Variants in SNX7 observed in about 807,000 individuals in gnomAD.
SNX7 encodes sorting nexin 7, also known as sorting nexin-7.
Under a neutral mutation model 48.4 loss-of-function variants are expected in SNX7, and 35 were observed. The observed-to-expected ratio is 0.72, with a 90% CI of 0.55 to 0.96. The LOEUF (loss-of-function observed/expected upper bound fraction) is 0.96, where lower values mean the gene tolerates loss of function less well. Ranked by LOEUF, SNX7 falls within the 40% of genes least tolerant of loss-of-function variation. The probability of loss-of-function intolerance (pLI) is 0.00; values close to 1 mark genes in which losing one functional copy is unlikely to be tolerated. For missense variants in SNX7, 553 were observed against 548.9 expected (o/e 1.01, Z -0.07); for synonymous variants, 190 against 190.2 (o/e 1.00, Z 0.01).
At chr1:98,728,261 C>A (rs1466669473) in intron 7 of SNX7, among the ~76,000 whole-genome samples, 1 of 152,122 alleles carries the variant, frequency 6.6e-6, no homozygotes, top group East Asian at 1.9e-4. Context: ...AATTTCCAAC[C>A]CAGAATCTCA....
intron 5 of SNX7, among the ~76,000 whole-genome samples, chr1:98,696,730 C>CTT (rs201365874): frequency 6.8e-6 from 1 of 147,336 alleles, no homozygotes; most frequent in Admixed American, 6.8e-5. Context: ...TATTATTTGT[C>CTT]TTTTTTTTTT....
At chr1:98,755,634 T>C (rs1236879649) in intron 8 of SNX7, among the ~76,000 whole-genome samples, 1 of 151,954 alleles carries the variant, frequency 6.6e-6, no homozygotes, top group Non-Finnish European at 1.5e-5. Flanking sequence ...TATGTATTTT[T>C]AATTAAAAAA....
rs536681603 is a variant in SNX7, at chr1:98,689,124, C to T, written c.364-1951C>T. On this transcript the variant is annotated intron_variant, in intron 2 of 8. Coordinates refer to ENST00000306121, the MANE Select transcript of SNX7 (RefSeq NM_015976.5). Reference sequence around the variant, plus strand: ...TTCACCATGTTGGTCAGGCTTGTCTCGAACTCCTGACCTCGTGATCTGCCT... The same window carrying T: ...TTCACCATGTTGGTCAGGCTTGTCTTGAACTCCTGACCTCGTGATCTGCCT... Among the ~76,000 whole-genome samples the T allele has an allele frequency of 7.9e-5, 12 of 152,200 alleles. No individual in the cohort carries two copies. In the South Asian group the frequency reaches 1.9e-3, roughly 24 times the overall value.
intron 1 of SNX7, among the ~76,000 whole-genome samples, chr1:98,664,720 G>A (rs1649445606): frequency 6.6e-6 from 1 of 152,098 alleles, no homozygotes; most frequent in African/African-American, 2.4e-5. Flanking sequence ...CAAGAGGGAT[G>A]GAAAGTAAAA....
chr1:98,759,076 A>C (rs371614247), intron 8 of SNX7, among the ~76,000 whole-genome samples: 4 of 152,154 alleles, frequency 2.6e-5, no homozygotes, highest in African/African-American at 7.2e-5. Context: ...TCCGATATAG[A>C]CACTTTAAAG....
chr1:98,747,814 G>T (rs1165150576), intron 8 of SNX7, among the ~76,000 whole-genome samples: 1 of 151,972 alleles, frequency 6.6e-6, no homozygotes, highest in Non-Finnish European at 1.5e-5. Context: ...GTCATTTTTA[G>T]AATTCTTAAG....
chr1:98,661,399 A>C (rs1479265031), upstream of SNX7, among the ~76,000 whole-genome samples: 1 of 152,028 alleles, frequency 6.6e-6, no homozygotes, highest in Non-Finnish European at 1.5e-5. Flanking sequence ...CCACTGCGGA[A>C]ACCGTCACTC....
At chr1:98,676,417 T>C (rs898248186) in intron 1 of SNX7, among the ~76,000 whole-genome samples, 2 of 152,216 alleles carry the variant, frequency 1.3e-5, no homozygotes, top group African/African-American at 4.8e-5. Flanking sequence ...TGTCTTCTAC[T>C]CCTTGTGTAA....
chr1:98,751,776 T>C lies in SNX7; in HGVS notation c.1279-8278T>C, dbSNP rs1033080788. ...CTATGAGAGTCAGTTTTCTTAACTGTAAAATGAAATTACCTGATTTCATCA... is the reference window on the plus strand; with the variant it reads ...CTATGAGAGTCAGTTTTCTTAACTGCAAAATGAAATTACCTGATTTCATCA... On this transcript the variant is annotated intron_variant, in intron 8 of 8. Coordinates refer to ENST00000306121, the MANE Select transcript of SNX7 (RefSeq NM_015976.5). 3.9e-5 allele frequency among the ~76,000 whole-genome samples: 6 copies of C among 152,242 alleles called. 1 individual carries two copies. In the South Asian group the frequency reaches 1.0e-3, roughly 26 times the overall value.
At chr1:98,700,003 T>A (rs1651669132) in intron 6 of SNX7, among the ~76,000 whole-genome samples, 1 of 152,204 alleles carries the variant, frequency 6.6e-6, no homozygotes, top group South Asian at 2.1e-4. Flanking sequence ...GTGTCAATCT[T>A]CAAGAAGATC....
chr1:98,716,501 T>C (rs1652598613), intron 7 of SNX7, among the ~76,000 whole-genome samples: 1 of 152,166 alleles, frequency 6.6e-6, no homozygotes. Context: ...TTATAGTTGC[T>C]CTCAAATGCT....
chr1:98,713,301 C>CT (rs1302146677), intron 7 of SNX7, among the ~76,000 whole-genome samples: 1 of 152,128 alleles, frequency 6.6e-6, no homozygotes, highest in Non-Finnish European at 1.5e-5. Context: ...CAAACATTTC[C>CT]TCTCCAGCTT....
chr1:98,723,819 T>A (rs998954961), intron 7 of SNX7, among the ~76,000 whole-genome samples: 2 of 151,870 alleles, frequency 1.3e-5, no homozygotes, highest in African/African-American at 4.8e-5. Context: ...TGAGATCGCA[T>A]GACTGCACTC....
chr1:98,702,717 T>G (rs1249529451), intron 7 of SNX7, among the ~76,000 whole-genome samples: 1 of 152,048 alleles, frequency 6.6e-6, no homozygotes, highest in East Asian at 1.9e-4. Flanking sequence ...GGTGATGACG[T>G]CTCTTGCCTG....
intron 1 of SNX7, chr1:98,662,591 G>A: frequency 9.8e-7 from 1 of 1,019,230 alleles, no homozygotes; most frequent in Non-Finnish European, 1.3e-6. Flanking sequence ...TTTTACTGTT[G>A]GAGGGAAATT....
rs114764996 is a variant in SNX7 at position 98,719,768 on chromosome 1, G to T, written c.1125+17865G>T. 2.7e-3 allele frequency among the ~76,000 whole-genome samples: 402 copies of T among 150,918 alleles called. 4 individuals are homozygous for T. Among genetic ancestry groups the T allele is most frequent in the African/African-American group, 9.6e-3 (396 of 41,336 alleles). On this transcript the variant is annotated intron_variant, in intron 7 of 8. Coordinates refer to ENST00000306121, the MANE Select transcript of SNX7 (RefSeq NM_015976.5). ...AGGTGACAGAAAAAAATGTCTCGTG[G>T]TTTCTTCCATTAATTTTTGAGTTTC...
intron 1 of SNX7, among the ~76,000 whole-genome samples, chr1:98,670,840 G>A (rs944879215): frequency 2.0e-5 from 3 of 151,228 alleles, no homozygotes; most frequent in African/African-American, 7.3e-5. Flanking sequence ...AGGAAAGAGA[G>A]CTACAGCTCT....
At chr1:98,694,830 G>A (rs1050038220) in intron 4 of SNX7, among the ~76,000 whole-genome samples, 9 of 151,516 alleles carry the variant, frequency 5.9e-5, no homozygotes, top group Admixed American at 4.6e-4. Flanking sequence ...GGGTAGTCTC[G>A]ATCTCCTGAC....
intron 8 of SNX7, among the ~76,000 whole-genome samples, chr1:98,757,699 A>G (rs897453498): frequency 2.0e-5 from 3 of 150,670 alleles, no homozygotes; most frequent in South Asian, 2.1e-4. Context: ...GGTGTTGAAA[A>G]CCATTGCTTT....
Sources: allele counts gnomAD v4.1 joint callset (sites outside exome capture counted in the v4.1 genomes callset), GRCh38; gene constraint gnomAD v4.1.1; transcripts MANE v1.5; gene names NCBI Gene and HGNC (gene_info 2026-07-23, HGNC 2026-07-21).